Variants in GRM7 observed in about 807,000 individuals in gnomAD.
GRM7 encodes glutamate metabotropic receptor 7, also known as metabotropic glutamate receptor 7.
In GRM7, 35 loss-of-function variants were observed where a neutral mutation model predicts 84.5. That is an observed-to-expected ratio of 0.41 (90% CI 0.32 to 0.55). The LOEUF is 0.55. Among genes scored for constraint, GRM7 ranks in the 20% least tolerant of loss-of-function variants. The probability of loss-of-function intolerance (pLI) is 0.19; values close to 1 mark genes in which losing one functional copy is unlikely to be tolerated. For synonymous variants in GRM7, 487 were observed against 455.1 expected (o/e 1.07, Z -0.89); for missense variants, 1,003 against 1,194.6 (o/e 0.84, Z 2.36).
chr3:7,679,513 C>T (rs1392398077), intron 8 of GRM7, among the ~76,000 whole-genome samples: 1 of 152,010 alleles, frequency 6.6e-6, no homozygotes, highest in Non-Finnish European at 1.5e-5. Flanking sequence ...GCAAGAAGAT[C>T]TTAGTTTTCA....
At chr3:6,903,990 G>C (rs1696481773) in intron 1 of GRM7, among the ~76,000 whole-genome samples, 2 of 151,886 alleles carry the variant, frequency 1.3e-5, no homozygotes, top group South Asian at 4.2e-4. Context: ...TAGATTTGTA[G>C]GTGTTCGTTT....
intron 1 of GRM7, among the ~76,000 whole-genome samples, chr3:7,139,835 A>C (rs903509564): frequency 3.3e-5 from 5 of 152,046 alleles, no homozygotes; most frequent in African/African-American, 1.2e-4. Flanking sequence ...TCATCAAACT[A>C]AAAAGTTTCT....
chr3:7,480,839 A>G (rs975236850), intron 7 of GRM7, among the ~76,000 whole-genome samples: 6 of 152,244 alleles, frequency 3.9e-5, no homozygotes, highest in African/African-American at 9.6e-5. Context: ...AACCTCGTTC[A>G]GATGAGTTGT....
At chr3:6,913,544 T>A (rs1317163069) in intron 1 of GRM7, among the ~76,000 whole-genome samples, 5 of 152,300 alleles carry the variant, frequency 3.3e-5, no homozygotes, top group Middle Eastern at 3.4e-3. Flanking sequence ...TCTTATCTTT[T>A]TCTAGTTCTT....
At chr3:7,448,755 G>C (rs534401167) in intron 5 of GRM7, among the ~76,000 whole-genome samples, 5 of 152,162 alleles carry the variant, frequency 3.3e-5, no homozygotes, top group African/African-American at 1.2e-4. Flanking sequence ...GAGACTCTCT[G>C]AGAGAGGGAT....
chr3:7,623,704 G>C (rs1423643870), intron 8 of GRM7, among the ~76,000 whole-genome samples: 2 of 152,124 alleles, frequency 1.3e-5, no homozygotes, highest in Non-Finnish European at 2.9e-5. Flanking sequence ...TGGGAGTTCA[G>C]CCTTCAAGGT....
intron 4 of GRM7, among the ~76,000 whole-genome samples, chr3:7,401,369 C>T (rs1044396827): frequency 1.6e-4 from 24 of 152,068 alleles, no homozygotes; most frequent in African/African-American, 2.7e-4. Context: ...GTGTTGACCA[C>T]GTTTTGTTGT....
chr3:7,381,872 C>G (rs1694605525), intron 4 of GRM7, among the ~76,000 whole-genome samples: 4 of 152,036 alleles, frequency 2.6e-5, no homozygotes, highest in Admixed American at 1.3e-4. Flanking sequence ...TTAAGGTTAC[C>G]TAGCTCAGGG....
rs529305286 is a variant in GRM7 at position 7,740,550 on chromosome 3, C to A, written c.*144C>A. On this transcript the variant is annotated 3_prime_UTR_variant, in exon 10 of 10. Coordinates refer to ENST00000357716, the MANE Select transcript of GRM7 (RefSeq NM_000844.4). ...GGAGACCAGTGTTAGAGGATCCAAG[C>A]GACCTAAACAGCTGCTTTATGAAAT... 4.0e-6 allele frequency: 2 copies of A among 497,814 alleles called. No homozygotes were observed. Among genetic ancestry groups the A allele is most frequent in the African/African-American group, 2.0e-5 (1 of 49,308 alleles). The allele number at this position is 497,814 out of a possible 1,614,324, so 30.8% of individuals were successfully genotyped here. A position where few individuals can be genotyped will look rare whatever the true frequency, so the allele number is the denominator to read the frequency against.
At chr3:7,681,808 A>AAACTC (rs1240074125) in intron 9 of GRM7, 1 of 152,228 alleles carries the variant, frequency 6.6e-6, no homozygotes, top group Admixed American at 6.5e-5. Flanking sequence ...AGCTTTTCTA[A>AAACTC]AACTCAACAT....
At chr3:6,889,064 T>A (rs1199434517) in intron 1 of GRM7, among the ~76,000 whole-genome samples, 2 of 152,174 alleles carry the variant, frequency 1.3e-5, no homozygotes, top group Non-Finnish European at 2.9e-5. Flanking sequence ...ATGCTTGTGA[T>A]TTTTGTACAT....
At chr3:7,089,784 GT>G (rs1698597366) in intron 1 of GRM7, among the ~76,000 whole-genome samples, 1 of 152,200 alleles carries the variant, frequency 6.6e-6, no homozygotes, top group Admixed American at 6.5e-5. Flanking sequence ...TTCAAGAGAT[GT>G]TGTGAGATAG....
At chr3:7,503,159 T>C (rs1329214155) in intron 7 of GRM7, among the ~76,000 whole-genome samples, 2 of 151,914 alleles carry the variant, frequency 1.3e-5, no homozygotes, top group African/African-American at 4.8e-5. Flanking sequence ...AGCAAGAAAA[T>C]CCCCCATATC....
intron 2 of GRM7, among the ~76,000 whole-genome samples, chr3:7,198,090 C>T (rs908259449): frequency 6.8e-6 from 1 of 148,048 alleles, no homozygotes; most frequent in African/African-American, 2.5e-5. Context: ...TCGTTTTAAT[C>T]AAAACTGCTG....
chr3:7,724,908 C>T (rs162797), intron 9 of GRM7, among the ~76,000 whole-genome samples: 43,821 of 151,882 alleles, frequency 0.29, 7,155 homozygotes, highest in African/African-American at 0.45. Context: ...GGACCACAGG[C>T]GCTTGACACC....
chr3:6,906,104 A>G (rs1489740878), intron 1 of GRM7, among the ~76,000 whole-genome samples: 1 of 152,210 alleles, frequency 6.6e-6, no homozygotes, highest in Non-Finnish European at 1.5e-5. Context: ...AATAATTCAT[A>G]CAGTTTCAGT....
At chr3:7,473,531 A>AGAGAGAGAGAGAGAG (rs56720815) in intron 7 of GRM7, among the ~76,000 whole-genome samples, 30 of 146,998 alleles carry the variant, frequency 2.0e-4, no homozygotes, top group Non-Finnish European at 3.0e-4. Flanking sequence ...AGAGAGAGAG[A>AGAGAGAGAGAGAGAG]AACACCTTGA....
At chr3:7,730,885 T>C (rs929602888) in intron 9 of GRM7, among the ~76,000 whole-genome samples, 3 of 152,218 alleles carry the variant, frequency 2.0e-5, no homozygotes, top group Non-Finnish European at 2.9e-5. Context: ...AGAAATCTGA[T>C]GTGGTAATTT....
At chr3:7,445,914 C>T (rs377282545) in intron 5 of GRM7, among the ~76,000 whole-genome samples, 5 of 152,270 alleles carry the variant, frequency 3.3e-5, no homozygotes, top group Admixed American at 2.0e-4. Flanking sequence ...TTCTGTAACA[C>T]TCCAGGATAT....
Sources: allele counts gnomAD v4.1 joint callset (sites outside exome capture counted in the v4.1 genomes callset), GRCh38; gene constraint gnomAD v4.1.1; transcripts MANE v1.5; gene names NCBI Gene and HGNC (gene_info 2026-07-23, HGNC 2026-07-21).